Variants in FBLN2 observed in about 807,000 individuals in gnomAD.
FBLN2 encodes the protein fibulin 2, also known as fibulin-2.
A neutral mutation model predicts 123.7 loss-of-function variants in FBLN2; 81 were observed. That is an observed-to-expected ratio of 0.65 (90% CI 0.55 to 0.79). The LOEUF (loss-of-function observed/expected upper bound fraction) is 0.79, where lower values mean the gene tolerates loss of function less well. Ranked by LOEUF, FBLN2 falls within the 30% of genes least tolerant of loss-of-function variation. The pLI, the probability that FBLN2 is intolerant of heterozygous loss-of-function variation, is 0.00. For missense variants in FBLN2, 1,603 were observed against 1,681.3 expected, an observed-to-expected ratio of 0.95 and a Z score of 0.81; for synonymous variants, 699 against 701.4, an observed-to-expected ratio of 1.00 and a Z score of 0.05.
chr3:13,588,739 T>C (rs953075109), intron 2 of FBLN2, among the ~76,000 whole-genome samples: 3 of 152,274 alleles, frequency 2.0e-5, no homozygotes, highest in East Asian at 1.9e-4. Context: ...ATTTTTACTT[T>C]GATTTTTTAT....
chr3:13,609,395 G>A (rs1255993918), intron 3 of FBLN2, 118 bp from the exon 4 acceptor site: 8 of 1,209,238 alleles, frequency 6.6e-6, no homozygotes, highest in Middle Eastern at 2.8e-4. Context: ...TCTGCCACCT[G>A]CACCGGCTCC....
At chr3:13,591,577 C>T (rs1704676508) in intron 2 of FBLN2, among the ~76,000 whole-genome samples, 1 of 152,190 alleles carries the variant, frequency 6.6e-6, no homozygotes, top group Non-Finnish European at 1.5e-5. Flanking sequence ...CGTGAGCCAC[C>T]ACACCCGGCC....
chr3:13,631,077 A>G (rs538091214), intron 15 of FBLN2, among the ~76,000 whole-genome samples: 29 of 152,350 alleles, frequency 1.9e-4, no homozygotes, highest in Admixed American at 1.8e-3. Flanking sequence ...ATAGGTGCCC[A>G]TGACTGGCAT....
Position 13,626,428 on chromosome 3 carries a change from C to A in FBLN2, c.2297-17C>A. On this transcript the variant is annotated splice_polypyrimidine_tract_variant and intron_variant, in intron 9 of 17. Coordinates refer to ENST00000404922, the MANE Select transcript of FBLN2 (RefSeq NM_001004019.2). ...CTGGGGACTCTGCAGCCTCTGATGG[C>A]CTCGCTCTCCCTGCAGACATCAACG... The A allele has an allele frequency of 6.4e-7, 1 of 1,558,478 alleles. No individual in the cohort carries two copies.
intron 2 of FBLN2, among the ~76,000 whole-genome samples, chr3:13,600,429 G>A (rs1467498774): frequency 6.6e-6 from 1 of 152,018 alleles, no homozygotes; most frequent in Non-Finnish European, 1.5e-5. Flanking sequence ...AGCAGGCAGA[G>A]AGCGCCATTC....
chr3:13,575,593 A>G (rs894121656), intron 2 of FBLN2, among the ~76,000 whole-genome samples: 24 of 152,178 alleles, frequency 1.6e-4, no homozygotes, highest in African/African-American at 5.8e-4. Flanking sequence ...GAGAAAGCTC[A>G]GGGCAGAGGG....
chr3:13,629,196 T>A lies in FBLN2; in HGVS notation c.2746T>A (p.Cys916Ser), dbSNP rs1706161680. 1 of 1,613,150 alleles carries A rather than the reference T, an allele frequency of 6.2e-7. No homozygotes were observed. The highest frequency in any genetic ancestry group is 1.1e-5 in the South Asian group (1 of 91,080). ...TGAGTGTGAGACAGGTGTGCACCGC[T>A]GCGGTGAGGGCCAAGTGTGCCACAA... ...VNECETGVHR[C>S]GEGQVCHNLP... The change falls in exon 13 of 18, where the codon TGC becomes AGC. Residue 916 changes from cysteine (C) to serine (S), a missense_variant. Physicochemically the swap from Cys to Ser is moderately radical, Grantham distance 112. Coordinates refer to ENST00000404922, the MANE Select transcript of FBLN2 (RefSeq NM_001004019.2).
chr3:13,568,419 T>C (rs2125040226), intron 1 of FBLN2, among the ~76,000 whole-genome samples: 1 of 152,288 alleles, frequency 6.6e-6, no homozygotes, highest in South Asian at 2.1e-4. Flanking sequence ...TCTCACCTGC[T>C]CCCTGCTGGC....
intron 4 of FBLN2, among the ~76,000 whole-genome samples, chr3:13,610,616 G>A (rs912758239): frequency 2.0e-5 from 3 of 152,154 alleles, no homozygotes; most frequent in African/African-American, 7.2e-5. Flanking sequence ...GCCGTGGGAG[G>A]GATTTGCAGC....
At position 13,614,020 on chromosome 3, in the gene FBLN2, C is replaced by A. The variant is rs148310871; in HGVS notation, c.1585C>A (p.Arg529=). The A allele has an allele frequency of 1.2e-6, 2 of 1,613,092 alleles. No individual in the cohort carries two copies. Among genetic ancestry groups the A allele is most frequent in the African/African-American group, 1.3e-5 (1 of 75,056 alleles). The stretch of plus-strand genomic sequence containing the variant: ...CTGCTGTGGCCTGGGCCTCCGCGTG[C>A]GGGCCGAGGGCCAGTCGTGTGAGTC... ...CDCCGLGLRV[R]AEGQSCESNP... The change falls in exon 5 of 18, where the codon CGG becomes AGG. Residue 529 remains arginine, a synonymous_variant. Transcript: ENST00000404922.
At chr3:13,606,023 T>C (rs1439229783) in intron 2 of FBLN2, among the ~76,000 whole-genome samples, 1 of 151,310 alleles carries the variant, frequency 6.6e-6, no homozygotes, top group African/African-American at 2.4e-5. Flanking sequence ...CCCCTCCCCA[T>C]CCCTGGGCTC....
intron 1 of FBLN2, among the ~76,000 whole-genome samples, chr3:13,552,237 C>T (rs1339446083): frequency 6.6e-6 from 1 of 151,852 alleles, no homozygotes; most frequent in Non-Finnish European, 1.5e-5. Context: ...GGGATCCATG[C>T]AGCTTCCAGG....
intron 5 of FBLN2, among the ~76,000 whole-genome samples, chr3:13,614,564 A>G (rs910661027): frequency 2.8e-5 from 4 of 143,718 alleles, no homozygotes; most frequent in East Asian, 4.0e-4. Flanking sequence ...TTCATCCTCT[A>G]TCCCATCATC....
In FBLN2 at chr3:13,570,544, C is replaced by T. The variant is rs199628513; in HGVS notation, c.189C>T (p.Cys63=). 4.1e-5 allele frequency: 66 copies of T among 1,591,074 alleles called. No homozygotes were observed. Among genetic ancestry groups the T allele is most frequent in the African/African-American group, 2.4e-4 (18 of 74,696 alleles). Residue 63 remains cysteine (C), a synonymous_variant, in exon 2 of 18, where the codon TGC becomes TGT. Coordinates refer to ENST00000404922, the MANE Select transcript of FBLN2 (RefSeq NM_001004019.2). ...ACCATCVQQG[C]ACEGYQYYDC... ...GTGCCACGTGTGTGCAGCAGGGCTG[C>T]GCCTGCGAGGGCTACCAGTACTATG...
Position 13,621,824 on chromosome 3 carries a change from C to T in FBLN2, c.2205C>T (p.Phe735=). The T allele has an allele frequency of 1.9e-6, 3 of 1,614,028 alleles. No individual in the cohort carries two copies. Among genetic ancestry groups the T allele is most frequent in the Non-Finnish European group, 2.5e-6 (3 of 1,179,876 alleles). Residue 735 remains phenylalanine, a synonymous_variant, in exon 9 of 18, where the codon TTC becomes TTT. Transcript: ENST00000404922. ...MGAHDCSRRQ[F]CVNTLGSFYC... is the part of the protein sequence containing the mutation. ...CTCACGATTGTAGCCGGCGACAGTT[C>T]TGTGTGAACACCCTGGGATCCTTCT...
intron 1 of FBLN2, among the ~76,000 whole-genome samples, chr3:13,550,370 C>T (rs1328143808): frequency 6.6e-6 from 1 of 152,246 alleles, no homozygotes; most frequent in Non-Finnish European, 1.5e-5. Context: ...GCCCTCCCTC[C>T]CTTTTTTGCT....
chr3:13,588,276 G>A (rs1704569718), intron 2 of FBLN2, among the ~76,000 whole-genome samples: 1 of 152,246 alleles, frequency 6.6e-6, no homozygotes, highest in Admixed American at 6.5e-5. Context: ...ATATCATGCA[G>A]CCCAGGTGTG....
chr3:13,550,885 T>C (rs1703303955), intron 1 of FBLN2, among the ~76,000 whole-genome samples: 1 of 152,228 alleles, frequency 6.6e-6, no homozygotes, highest in Non-Finnish European at 1.5e-5. Context: ...GCTCTCACCA[T>C]GTTATTATTA....
chr3:13,583,873 C>G (rs1203714582), intron 2 of FBLN2, among the ~76,000 whole-genome samples: 2 of 152,260 alleles, frequency 1.3e-5, no homozygotes. Context: ...AGCCTGCCCC[C>G]CTCACCTTTT....
Sources: allele counts gnomAD v4.1 joint callset (sites outside exome capture counted in the v4.1 genomes callset), GRCh38; gene constraint gnomAD v4.1.1; transcripts MANE v1.5; gene names NCBI Gene and HGNC (gene_info 2026-07-23, HGNC 2026-07-21).